Variants in QPCT observed in about 807,000 individuals in gnomAD.
The protein encoded by QPCT is EC.
A neutral mutation model predicts 43.4 loss-of-function variants in QPCT; 44 were observed. That is an observed-to-expected ratio of 1.01 (90% CI 0.80 to 1.30). The LOEUF (loss-of-function observed/expected upper bound fraction) is 1.30, where lower values mean the gene tolerates loss of function less well. Ranked by LOEUF, QPCT falls within the 50% of genes most tolerant of loss-of-function variation. The probability of loss-of-function intolerance (pLI) is 0.00; values close to 1 mark genes in which losing one functional copy is unlikely to be tolerated. For synonymous variants in QPCT, 168 were observed against 168.4 expected (o/e 1.00, Z 0.02); for missense variants, 526 against 436.5 (o/e 1.21, Z -1.83).
In QPCT at chr2:37,348,300, C is replaced by T. The variant is rs76512882; in HGVS notation, c.120+3449C>T. Among the ~76,000 whole-genome samples the T allele has an allele frequency of 9.2e-5, 14 of 152,216 alleles. No homozygotes were observed. The East Asian group carries it at 2.1e-3, about 23-fold the overall frequency. ...AATAAGCGAGGGAGCTGAGATTTCA[C>T]CCTAAGCTGTTGTGGTTAAAGCCCG... On this transcript the variant is annotated intron_variant, in intron 1 of 6. Transcript: ENST00000338415.
intron 3 of QPCT, among the ~76,000 whole-genome samples, chr2:37,365,931 G>A (rs1454990098): frequency 6.6e-6 from 1 of 152,220 alleles, no homozygotes. Context: ...GCCAGACAGT[G>A]TGGTTATATA....
intron 4 of QPCT, among the ~76,000 whole-genome samples, chr2:37,369,356 C>G (rs1572738622): frequency 6.6e-6 from 1 of 152,168 alleles, no homozygotes; most frequent in African/African-American, 2.4e-5. Context: ...GGCTTGGACT[C>G]CTTTCTGAAA....
chr2:37,344,901 C>T, intron 1 of QPCT, 50 bp downstream of exon 1: 14 of 1,499,552 alleles, frequency 9.3e-6, no homozygotes, highest in Non-Finnish European at 1.2e-5. Flanking sequence ...TGGTCCGATG[C>T]GAGGACCCCT....
intron 3 of QPCT, 156 bp downstream of exon 3, chr2:37,360,014 G>T (rs1272304277): frequency 1.3e-5 from 11 of 817,800 alleles, no homozygotes; most frequent in Admixed American, 2.8e-5. Context: ...TGCATGATTG[G>T]GAATATCAAC....
Position 37,344,781 on chromosome 2 carries a change from T to A in QPCT, c.50T>A (p.Leu17Gln). Residue 17 changes from leucine to glutamine, a missense_variant, in exon 1 of 7, where the codon CTG becomes CAG. By Grantham distance (113) the Leu-to-Gln change is moderately radical (BLOSUM62 -2). Coordinates refer to ENST00000338415, the MANE Select transcript of QPCT (RefSeq NM_012413.4). ...RRVVGTLHLL[L>Q]LVAALPWASR... ...GTCGTGGGCACCCTCCACCTGCTGCTGCTGGTGGCCGCCCTGCCCTGGGCA... is the reference window on the plus strand; with the variant it reads ...GTCGTGGGCACCCTCCACCTGCTGCAGCTGGTGGCCGCCCTGCCCTGGGCA... 1 of 1,610,008 alleles carries A rather than the reference T, an allele frequency of 6.2e-7. No individual in the cohort carries two copies. Among genetic ancestry groups the A allele is most frequent in the Non-Finnish European group, 8.5e-7 (1 of 1,178,912 alleles).
chr2:37,351,031 G>C (rs985233840), intron 1 of QPCT, among the ~76,000 whole-genome samples: 2 of 152,208 alleles, frequency 1.3e-5, no homozygotes, highest in Admixed American at 6.5e-5. Context: ...CATGCTCTTT[G>C]CATGGTAAGT....
At chr2:37,353,374 G>A (rs1008056708) in intron 2 of QPCT, among the ~76,000 whole-genome samples, 2 of 152,070 alleles carry the variant, frequency 1.3e-5, no homozygotes, top group Non-Finnish European at 2.9e-5. Context: ...CTGGTGATAA[G>A]CTAGCCGCAT....
chr2:37,347,202 TATAAC>T (rs1217315651), intron 1 of QPCT, among the ~76,000 whole-genome samples: 1 of 90,068 alleles, frequency 1.1e-5, no homozygotes, highest in African/African-American at 5.2e-5. Context: ...AACATATATA[TATAAC>T]ATATATATAA....
Position 37,359,814 on chromosome 2 carries a change from T to C in QPCT, c.502T>C (p.Leu168=). 6.2e-7 allele frequency: 1 copy of C among 1,614,210 alleles called. No homozygotes were observed. Among genetic ancestry groups the C allele is most frequent in the South Asian group, 1.1e-5 (1 of 91,088 alleles). Residue 168 remains leucine (L), a synonymous_variant, in exon 3 of 7, where the codon TTG becomes CTG. Transcript: ENST00000338415. ...TDSAVPCAMM[L]ELARALDKKL... ...TTCAGCCGTGCCATGTGCAATGATG[T>C]TGGAACTTGCTCGTGCCTTAGACAA...
At chr2:37,348,063 CGTGT>C (rs10598967) in intron 1 of QPCT, among the ~76,000 whole-genome samples, 131 of 148,116 alleles carry the variant, frequency 8.8e-4, no homozygotes, top group South Asian at 1.7e-3. Context: ...CGCGCGCACG[CGTGT>C]GTGTGTGTGT....
At chr2:37,347,170 T>TATATATAACATATATATATAAC (rs1553384232) in intron 1 of QPCT, among the ~76,000 whole-genome samples, 9 of 52,854 alleles carry the variant, frequency 1.7e-4, no homozygotes, top group Non-Finnish European at 2.9e-4. Context: ...ATATAACATA[T>TATATATAACATATATATATAAC]ATATATATAA....
chr2:37,368,277 C>T (rs1558607255), intron 4 of QPCT: 1 of 247,736 alleles, frequency 4.0e-6, no homozygotes. Flanking sequence ...GCCTCATTTT[C>T]ATCCCCATTC....
At chr2:37,347,111 T>C (rs1672502997) in intron 1 of QPCT, among the ~76,000 whole-genome samples, 1 of 132,288 alleles carries the variant, frequency 7.6e-6, no homozygotes, top group African/African-American at 2.9e-5. Context: ...CACCTGTGTA[T>C]TTAGAGGCAT....
At chr2:37,366,729 G>T (rs997952863) in intron 3 of QPCT, among the ~76,000 whole-genome samples, 31 of 152,228 alleles carry the variant, frequency 2.0e-4, no homozygotes, top group African/African-American at 2.7e-4. Flanking sequence ...GAGCTGCAGT[G>T]CAGGTTCAAC....
intron 2 of QPCT, among the ~76,000 whole-genome samples, chr2:37,357,315 A>ATT (rs397973663): frequency 3.0e-4 from 42 of 140,688 alleles, no homozygotes; most frequent in African/African-American, 9.4e-4. Context: ...ATTTTGTGGA[A>ATT]TTTTTTTTTT....
At chr2:37,347,231 C>CATATATATATATAACAT (rs1672523179) in intron 1 of QPCT, among the ~76,000 whole-genome samples, 2 of 55,636 alleles carry the variant, frequency 3.6e-5, no homozygotes, top group African/African-American at 1.8e-4. Flanking sequence ...ATATATATAA[C>CATATATATATATAACAT]ATATATATAT....
chr2:37,370,020 A>G (rs1242833281), intron 5 of QPCT, among the ~76,000 whole-genome samples: 1 of 152,020 alleles, frequency 6.6e-6, no homozygotes, highest in African/African-American at 2.4e-5. Flanking sequence ...AAACAAATAC[A>G]AAATAAATAC....
At chr2:37,348,743 T>C (rs750098022) in intron 1 of QPCT, among the ~76,000 whole-genome samples, 2 of 152,226 alleles carry the variant, frequency 1.3e-5, no homozygotes, top group African/African-American at 2.4e-5. Context: ...AGCAGACTTA[T>C]TGTCCTTTCT....
At chr2:37,359,967 T>C in intron 3 of QPCT, 109 bp downstream of exon 3, 2 of 1,145,170 alleles carry the variant, frequency 1.7e-6, no homozygotes, top group Non-Finnish European at 2.5e-6. Context: ...AATGGAGACT[T>C]TTGGTACATT....
Sources: gnomAD v4.1 joint callset for allele counts (sites outside exome capture counted in the v4.1 genomes callset) on GRCh38, gnomAD v4.1.1 for gene constraint, MANE v1.5 for transcripts, NCBI Gene and HGNC (gene_info 2026-07-23, HGNC 2026-07-21) for gene names.